The following PIR variants were observed in gnomAD, a reference collection of about 807,000 sequenced individuals.
PIR encodes pirin (iron-binding nuclear protein).
PIR carries 22 observed loss-of-function variants against 24.2 expected under a neutral mutation model. That is an observed-to-expected ratio of 0.91 (90% CI 0.65 to 1.30). The LOEUF is 1.30. PIR is among the 50% of genes most tolerant of loss of function. The probability of loss-of-function intolerance (pLI) is 0.00; values close to 1 mark genes in which losing one functional copy is unlikely to be tolerated. For missense variants in PIR, 220 were observed against 220.3 expected, an observed-to-expected ratio of 1.00 and a Z score of 0.01; for synonymous variants, 80 against 79.6, an observed-to-expected ratio of 1.00 and a Z score of -0.03.
chrX:15,464,431 G>A (rs745572503), intron 3 of PIR: 1 of 752,258 alleles, frequency 1.3e-6, no homozygotes, highest in South Asian at 6.8e-5. Flanking sequence ...GAAAGTAAGT[G>A]ATATAGTTTA....
intron 6 of PIR, among the ~76,000 whole-genome samples, chrX:15,423,141 G>T (rs1195390123): frequency 8.9e-6 from 1 of 111,930 alleles, no homozygotes; most frequent in Non-Finnish European, 1.9e-5. Flanking sequence ...ATGAATTAAA[G>T]ACTTAAATTT....
At chrX:15,457,050 G>A (rs1049745551) in intron 4 of PIR, among the ~76,000 whole-genome samples, 4 of 112,308 alleles carry the variant, frequency 3.6e-5, no homozygotes, top group Non-Finnish European at 7.5e-5. Flanking sequence ...TGAGAGAGTA[G>A]GGAAGAGTGA....
At position 15,419,343 on chromosome X, in the gene PIR, C is replaced by CTGTGTGTG. The variant is rs34664851; in HGVS notation, c.565+6555_565+6562dup. ...TAATGCAGTGGAAGCATGGATAAGT[C>CTGTGTGTG]TGTGTGTGTGTGTGTGTGTGTGTGT... On this transcript the variant is annotated intron_variant, in intron 6 of 9. Transcript: ENST00000380420. Among the ~76,000 whole-genome samples the CTGTGTGTG allele has an allele frequency of 9.4e-3, 735 of 78,282 alleles. 6 individuals are homozygous for CTGTGTGTG. The highest frequency in any genetic ancestry group is 0.01 in the Non-Finnish European group (413 of 39,867). The allele number at this position is 78,282 out of a possible 115,157, so 68.0% of individuals were successfully genotyped here. A position where few individuals can be genotyped will look rare whatever the true frequency, so the allele number is the denominator to read the frequency against.
intron 3 of PIR, among the ~76,000 whole-genome samples, chrX:15,470,201 T>C (rs1159581247): frequency 8.9e-6 from 1 of 111,991 alleles, no homozygotes; most frequent in Non-Finnish European, 1.9e-5. Flanking sequence ...TGAACCTTAG[T>C]TTCCTCATGT....
At chrX:15,433,720 G>A (rs2147039582) in intron 5 of PIR, among the ~76,000 whole-genome samples, 2 of 47,940 alleles carry the variant, frequency 4.2e-5, no homozygotes, top group Admixed American at 2.5e-4. Flanking sequence ...GAAGGAGGAG[G>A]AGGAAGGAGA....
intron 9 of PIR, among the ~76,000 whole-genome samples, chrX:15,387,402 C>G (rs1004909378): frequency 1.8e-5 from 2 of 109,991 alleles, no homozygotes; most frequent in African/African-American, 6.6e-5. Context: ...CGGCCCAGTT[C>G]TGAGTATTTT....
intron 2 of PIR, 90 bp from the exon 3 acceptor site, chrX:15,479,911 T>C (rs5935986): frequency 0.44 from 184,918 of 423,225 alleles, 29,402 homozygotes; most frequent in East Asian, 0.46. Context: ...GCAAGCCTCA[T>C]TGAAAACTAC....
chrX:15,419,501 T>C (rs949633065), intron 6 of PIR, among the ~76,000 whole-genome samples: 1 of 111,070 alleles, frequency 9.0e-6, no homozygotes, highest in African/African-American at 3.3e-5. Context: ...AAGGATCTTT[T>C]GCTTCATAGC....
chrX:15,453,623 A>G (rs753390889), intron 5 of PIR, among the ~76,000 whole-genome samples: 2 of 112,617 alleles, frequency 1.8e-5, no homozygotes, highest in East Asian at 5.6e-4. Flanking sequence ...AATATAATTC[A>G]CTTCAGAGAT....
chrX:15,434,184 A>G (rs1187154768), intron 5 of PIR, among the ~76,000 whole-genome samples: 32 of 68,226 alleles, frequency 4.7e-4, no homozygotes, highest in African/African-American at 5.8e-4. Flanking sequence ...GAAGGAGGAG[A>G]AGGAAGGAGA....
intron 5 of PIR, among the ~76,000 whole-genome samples, chrX:15,447,436 T>A (rs766888635): frequency 2.2e-3 from 249 of 111,217 alleles, no homozygotes; most frequent in African/African-American, 7.9e-3. Context: ...TGCCTCAGCC[T>A]CCTGAGTAGC....
chrX:15,460,528 G>T (rs1921258035), intron 3 of PIR, among the ~76,000 whole-genome samples: 1 of 111,795 alleles, frequency 8.9e-6, no homozygotes, highest in African/African-American at 3.3e-5. Context: ...AAACAGAGTA[G>T]AAGGGTAGCT....
At chrX:15,458,072 G>C (rs907846194) in intron 4 of PIR, among the ~76,000 whole-genome samples, 1 of 112,227 alleles carries the variant, frequency 8.9e-6, no homozygotes, top group African/African-American at 3.2e-5. Flanking sequence ...ATAGTTATTG[G>C]TGTCCCTCAA....
At chrX:15,475,145 C>T (rs1245570999) in intron 3 of PIR, among the ~76,000 whole-genome samples, 7 of 108,999 alleles carry the variant, frequency 6.4e-5, no homozygotes, top group Admixed American at 2.0e-4. Flanking sequence ...AGGTTTGAAT[C>T]GGGTCATAAG....
intron 5 of PIR, among the ~76,000 whole-genome samples, chrX:15,453,513 C>A (rs374351707): frequency 8.9e-6 from 1 of 111,904 alleles, no homozygotes. Flanking sequence ...AACCACTGCA[C>A]CACGCTGCCT....
At chrX:15,421,476 T>G (rs923265047) in intron 6 of PIR, among the ~76,000 whole-genome samples, 5 of 110,228 alleles carry the variant, frequency 4.5e-5, no homozygotes, top group African/African-American at 1.6e-4. Context: ...ACTGAGACCA[T>G]AGAAATACAA....
intron 2 of PIR, among the ~76,000 whole-genome samples, chrX:15,483,799 T>C (rs974932919): frequency 3.6e-4 from 41 of 112,371 alleles, no homozygotes; most frequent in African/African-American, 1.2e-3. Context: ...CAAAGCACTG[T>C]AGGTTCTACA....
chrX:15,460,566 G>A (rs1177989256), intron 3 of PIR, among the ~76,000 whole-genome samples: 1 of 111,579 alleles, frequency 9.0e-6, no homozygotes, highest in African/African-American at 3.3e-5. Context: ...AGGGAACATG[G>A]GAAGATGTTG....
At chrX:15,479,544 G>A (rs906651958) in intron 3 of PIR, among the ~76,000 whole-genome samples, 185 bp downstream of exon 3, 1 of 110,984 alleles carries the variant, frequency 9.0e-6, no homozygotes, top group Non-Finnish European at 1.9e-5. Flanking sequence ...GTTTTTGGTG[G>A]CATAAATTCA....
Sources: gnomAD v4.1 joint callset for allele counts (sites outside exome capture counted in the v4.1 genomes callset) on GRCh38, gnomAD v4.1.1 for gene constraint, MANE v1.5 for transcripts, NCBI Gene and HGNC (gene_info 2026-07-23, HGNC 2026-07-21) for gene names.